TAS2R1: variants seen among roughly 807,000 people sequenced by gnomAD.
TAS2R1 encodes taste 2 receptor member 1, also known as taste receptor type 2 member 1.
For synonymous variants in TAS2R1, 141 were observed against 134.2 expected, an observed-to-expected ratio of 1.05 and a Z score of -0.35; for missense variants, 370 against 353.4, an observed-to-expected ratio of 1.05 and a Z score of -0.38.
chr5:9,861,858 C>T, the TAS2R1 span, among the ~76,000 whole-genome samples: 63 of 152,306 alleles, frequency 4.1e-4, no homozygotes, highest in African/African-American at 1.5e-3. Flanking sequence ...CTACAAAATA[C>T]TCACTGGGTC....
the TAS2R1 span, among the ~76,000 whole-genome samples, chr5:9,781,155 G>A: frequency 6.6e-6 from 1 of 152,138 alleles, no homozygotes; most frequent in Non-Finnish European, 1.5e-5. Context: ...AAATTGTTTT[G>A]TGTATCCACT....
chr5:9,686,162 A>G (rs113150539), intron 1 of TAS2R1, among the ~76,000 whole-genome samples: 8,972 of 152,194 alleles, frequency 0.059, 290 homozygotes, highest in Middle Eastern at 0.099. Flanking sequence ...ACCGCGCCTG[A>G]CCTTGATTGC....
chr5:9,687,412 T>A (rs1741149971), intron 1 of TAS2R1, among the ~76,000 whole-genome samples: 1 of 152,104 alleles, frequency 6.6e-6, no homozygotes, highest in South Asian at 2.1e-4. Context: ...TCAACCAAGA[T>A]TAAAAAGTGT....
intron 2 of TAS2R1, among the ~76,000 whole-genome samples, chr5:9,639,444 T>C (rs1315230972): frequency 6.6e-6 from 1 of 152,230 alleles, no homozygotes; most frequent in Non-Finnish European, 1.5e-5. Context: ...CCTCCTATCA[T>C]GCTTTGGGAA....
chr5:9,874,102 C>A, the TAS2R1 span, among the ~76,000 whole-genome samples: 1 of 152,072 alleles, frequency 6.6e-6, no homozygotes, highest in East Asian at 1.9e-4. Flanking sequence ...TATATCTTTA[C>A]AAATTGAAAA....
intron 1 of TAS2R1, among the ~76,000 whole-genome samples, chr5:9,675,756 A>G (rs1185711884): frequency 6.6e-6 from 1 of 151,986 alleles, no homozygotes; most frequent in Admixed American, 6.6e-5. Flanking sequence ...GTGTGTGTGT[A>G]CAGACTCTGA....
chr5:9,765,766 C>G, the TAS2R1 span: 3 of 152,158 alleles, frequency 2.0e-5, no homozygotes, highest in African/African-American at 7.2e-5. Context: ...ATAAACGACC[C>G]AGTACCTCAT....
chr5:9,712,823 G>T (rs1261950116), upstream of TAS2R1, among the ~76,000 whole-genome samples: 4 of 150,340 alleles, frequency 2.7e-5, no homozygotes, highest in Non-Finnish European at 4.4e-5. Context: ...GGGTATATTA[G>T]TTAGGGTTCT....
At chr5:9,799,107 T>C in the TAS2R1 span, among the ~76,000 whole-genome samples, 1 of 152,200 alleles carries the variant, frequency 6.6e-6, no homozygotes, top group Non-Finnish European at 1.5e-5. Context: ...CAATGCCTGT[T>C]AGGTTGTCTC....
chr5:9,901,144 C>T, the TAS2R1 span, among the ~76,000 whole-genome samples: 1 of 152,016 alleles, frequency 6.6e-6, no homozygotes, highest in African/African-American at 2.4e-5. Context: ...AGGCATCTCT[C>T]CAGGAGCTTT....
chr5:9,631,948 C>G (rs958416585), upstream of TAS2R1, among the ~76,000 whole-genome samples: 106 of 152,280 alleles, frequency 7.0e-4, no homozygotes, highest in African/African-American at 2.5e-3. Flanking sequence ...CAGATGCCAT[C>G]AGAATGGATC....
intron 2 of TAS2R1, among the ~76,000 whole-genome samples, chr5:9,642,708 T>G (rs1740111037): frequency 6.6e-6 from 1 of 152,222 alleles, no homozygotes; most frequent in African/African-American, 2.4e-5. Context: ...GAGATGTATT[T>G]GCAATGCAGC....
chr5:9,756,468 G>GT, the TAS2R1 span, among the ~76,000 whole-genome samples: 1 of 152,172 alleles, frequency 6.6e-6, no homozygotes, highest in Non-Finnish European at 1.5e-5. Context: ...AAATACTCAT[G>GT]TTCATATTCA....
At chr5:9,695,909 A>G (rs765320681) in intron 1 of TAS2R1, among the ~76,000 whole-genome samples, 1 of 152,206 alleles carries the variant, frequency 6.6e-6, no homozygotes, top group Non-Finnish European at 1.5e-5. Flanking sequence ...AATGTGTGAT[A>G]AAAACATTTT....
chr5:9,733,664 G>A, the TAS2R1 span, among the ~76,000 whole-genome samples: 14 of 152,218 alleles, frequency 9.2e-5, no homozygotes, highest in East Asian at 9.7e-4. Flanking sequence ...AAGCTCGTGT[G>A]GAAAACCGAC....
At chr5:9,675,495 C>A (rs578043766) in intron 1 of TAS2R1, among the ~76,000 whole-genome samples, 1 of 149,786 alleles carries the variant, frequency 6.7e-6, no homozygotes, top group Admixed American at 6.7e-5. Flanking sequence ...TGGCTCACTG[C>A]AACCTCCACC....
chr5:9,842,288 T>C, the TAS2R1 span, among the ~76,000 whole-genome samples: 1 of 151,620 alleles, frequency 6.6e-6, no homozygotes, highest in Non-Finnish European at 1.5e-5. Flanking sequence ...GTTCAACCTA[T>C]ATTCTGGTAG....
At chr5:9,794,962 A>T in the TAS2R1 span, among the ~76,000 whole-genome samples, 4 of 152,214 alleles carry the variant, frequency 2.6e-5, no homozygotes, top group African/African-American at 9.7e-5. Flanking sequence ...ATAACTGTAC[A>T]TATTCATGAA....
chr5:9,902,230 A>G, the TAS2R1 span, among the ~76,000 whole-genome samples: 5 of 152,072 alleles, frequency 3.3e-5, no homozygotes, highest in African/African-American at 1.2e-4. Flanking sequence ...CTTATTCATA[A>G]GTTTATAATT....
Sources: allele counts gnomAD v4.1 joint callset (sites outside exome capture counted in the v4.1 genomes callset), GRCh38; gene constraint gnomAD v4.1.1; transcripts MANE v1.5; gene names NCBI Gene and HGNC (gene_info 2026-07-23, HGNC 2026-07-21).